MAP1B: variants seen among roughly 807,000 people sequenced by gnomAD.
MAP1B encodes the protein microtubule-associated protein 1B.
Under a neutral mutation model 176.1 loss-of-function variants are expected in MAP1B, and 12 were observed. That is an observed-to-expected ratio of 0.07 (90% CI 0.04 to 0.11). The LOEUF (loss-of-function observed/expected upper bound fraction) is 0.11. Ranked by LOEUF, MAP1B falls within the 10% of genes least tolerant of loss-of-function variation. The pLI, the probability that MAP1B is intolerant of heterozygous loss-of-function variation, is 1.00. For missense variants in MAP1B, 2,523 were observed against 2,990.5 expected (o/e 0.84, Z 3.65); for synonymous variants, 1,044 against 1,135.0 (o/e 0.92, Z 1.61).
chr5:72,163,438 T>C (rs893775489), intron 2 of MAP1B, among the ~76,000 whole-genome samples: 2 of 152,128 alleles, frequency 1.3e-5, no homozygotes, highest in African/African-American at 2.4e-5. Context: ...GATTCCATGC[T>C]TTTACCATCA....
intron 2 of MAP1B, among the ~76,000 whole-genome samples, chr5:72,136,121 G>T (rs1392037038): frequency 2.0e-5 from 3 of 152,172 alleles, no homozygotes; most frequent in Non-Finnish European, 2.9e-5. Context: ...ACTTAAGTGT[G>T]CTGAGCACCT....
Position 72,186,512 on chromosome 5 carries a change from G to T in MAP1B, c.370-102G>T. The T allele has an allele frequency of 7.1e-7, 1 of 1,404,440 alleles. No homozygotes were observed. The allele number at this position is 1,404,440 out of a possible 1,614,324, so 87.0% of individuals were successfully genotyped here. On this transcript the variant is annotated intron_variant, in intron 3 of 6. Transcript: ENST00000296755. The surrounding 1 kb of genome is among the most constrained non-coding windows in gnomAD (Gnocchi z 4.3). ...GACCTTTGGGGAATGAATGCTTTTT[G>T]CTGGTAATAAACTCCCATGGCTCCG...
chr5:72,174,893 TTCCCTCCCTCCCTCCTTCCTTCCC>T (rs1746618990), intron 2 of MAP1B, among the ~76,000 whole-genome samples: 1 of 145,142 alleles, frequency 6.9e-6, no homozygotes, highest in African/African-American at 2.6e-5. Flanking sequence ...CCTTCCTTCC[TTCCCTCCCTCCCTCCTTCCTTCCC>T]TCCTTCCCCC....
intron 2 of MAP1B, among the ~76,000 whole-genome samples, chr5:72,144,444 G>T (rs1480959456): frequency 1.3e-5 from 2 of 152,060 alleles, no homozygotes; most frequent in African/African-American, 4.8e-5. Flanking sequence ...GAGACAGGAT[G>T]GTGCAGGGAT....
At position 72,206,298 on chromosome 5, in the gene MAP1B, G is replaced by C. The variant is rs567815513; in HGVS notation, c.*1059G>C. 6.5e-6 allele frequency: 1 copy of C among 152,698 alleles called. No homozygotes were observed. The highest frequency in any genetic ancestry group is 2.4e-5 in the African/African-American group (1 of 41,462). The allele number at this position is 152,698 out of a possible 1,614,324, so 9.5% of individuals were successfully genotyped here. Reference sequence around the variant, plus strand: ...TACTTAAAGGAACACGTGGGTGAGCGTGTGTGGGGGTACTAGAAGCTGATC... The same window carrying C: ...TACTTAAAGGAACACGTGGGTGAGCCTGTGTGGGGGTACTAGAAGCTGATC... On this transcript the variant is annotated 3_prime_UTR_variant, in exon 7 of 7. Transcript: ENST00000296755.
In MAP1B at chr5:72,187,660, A is replaced by G. The variant is rs114690592; in HGVS notation, c.510+906A>G. Among the ~76,000 whole-genome samples, 1,182 of 152,214 alleles carry G rather than the reference A, an allele frequency of 7.8e-3. 15 individuals are homozygous for G. The highest frequency in any genetic ancestry group is 0.027 in the African/African-American group (1,117 of 41,530). ...GTGGTGGCTTGTCTGTCTCATGTGT[A>G]CTGTGAAGGGCCACGTGTCCTTCTG... On this transcript the variant is annotated intron_variant, in intron 4 of 6. Transcript: ENST00000296755.
intron 2 of MAP1B, among the ~76,000 whole-genome samples, chr5:72,137,216 G>A (rs1353603358): frequency 6.6e-6 from 1 of 152,176 alleles, no homozygotes; most frequent in East Asian, 1.9e-4. Flanking sequence ...AGATCCTGTA[G>A]ACTGGTGTTG....
At chr5:72,114,424 A>G (rs968712969) in intron 1 of MAP1B, among the ~76,000 whole-genome samples, 1 of 152,222 alleles carries the variant, frequency 6.6e-6, no homozygotes, top group Non-Finnish European at 1.5e-5. Flanking sequence ...ATTTAGAGAT[A>G]GTTCACCTGC....
At chr5:72,108,147 C>T (rs1745156904) in intron 1 of MAP1B, among the ~76,000 whole-genome samples, 1 of 152,222 alleles carries the variant, frequency 6.6e-6, no homozygotes, top group Admixed American at 6.5e-5. Context: ...GGGGCCGAAG[C>T]CCATGTGCCA....
In MAP1B at chr5:72,195,229, C is replaced by T; in HGVS notation, c.1874C>T (p.Ala625Val). ...AAAGCCGAGGTGGCTGAGAAGCAAG[C>T]CACAGATGTCAAACCCAAAGCTGCC... is the stretch of plus-strand genomic sequence containing the variant. Reference protein sequence around the residue: ...PVKAEVAEKQATDVKPKAAKE... With the variant: ...PVKAEVAEKQVTDVKPKAAKE... Residue 625 changes from alanine (A) to valine (V), a missense_variant, in exon 5 of 7, where the codon GCC (alanine) becomes GTC (valine). Physicochemically the swap from Ala to Val is moderately conservative, Grantham distance 64. Transcript: ENST00000296755. 1 of 1,613,654 alleles carries T rather than the reference C, an allele frequency of 6.2e-7. No individual in the cohort carries two copies. The highest frequency in any genetic ancestry group is 8.5e-7 in the Non-Finnish European group (1 of 1,179,982).
chr5:72,178,725 GGTGTGTGTGTGTGTGTGTGTGTGTGT>G (rs34082751), intron 2 of MAP1B, among the ~76,000 whole-genome samples: 2 of 140,504 alleles, frequency 1.4e-5, no homozygotes, highest in South Asian at 2.4e-4. Flanking sequence ...GCCTCTGAGG[GGTGTGTGTGTGTGTGTGTGTGTGTGT>G]GTGTGTGTGT....
chr5:72,120,874 G>A lies in MAP1B; in HGVS notation c.286+5075G>A, dbSNP rs185560085. On this transcript the variant is annotated intron_variant, in intron 2 of 6. Coordinates refer to ENST00000296755, the MANE Select transcript of MAP1B (RefSeq NM_005909.5). Reference sequence around the variant, plus strand: ...GTATATTTGGTGATTGTTATTATCCGTGGGAAATACCGGGTATTGATATTT... The same window carrying A: ...GTATATTTGGTGATTGTTATTATCCATGGGAAATACCGGGTATTGATATTT... 5.0e-3 allele frequency among the ~76,000 whole-genome samples: 768 copies of A among 152,324 alleles called. 5 individuals carry two copies. The highest frequency in any genetic ancestry group is 8.1e-3 in the Admixed American group (124 of 15,294).
intron 2 of MAP1B, chr5:72,179,851 A>G (rs933150059): frequency 3.2e-5 from 32 of 985,384 alleles, no homozygotes; most frequent in African/African-American, 7.0e-5. Flanking sequence ...AAAAGAGAAC[A>G]TCGTTAGTTG....
Position 72,107,596 on chromosome 5 carries a change from C to T in MAP1B, c.65C>T (p.Ala22Val). The change falls in exon 1 of 7, where the codon GCG (alanine) becomes GTG (valine). Residue 22 changes from alanine to valine, a missense_variant. Transcript: ENST00000296755. Reference sequence around the variant, plus strand: ...TCCGGCAGCATCGCCAACCCGGCGGCGTCCACCTCGCCTAGCCTGTCGCAC... The same window carrying T: ...TCCGGCAGCATCGCCAACCCGGCGGTGTCCACCTCGCCTAGCCTGTCGCAC... Reference protein sequence around the residue: ...EPSGSIANPAASTSPSLSHRF... With the variant: ...EPSGSIANPAVSTSPSLSHRF... 6.3e-7 allele frequency: 1 copy of T among 1,594,518 alleles called. No individual in the cohort carries two copies. Among genetic ancestry groups the T allele is most frequent in the Non-Finnish European group, 8.5e-7 (1 of 1,176,808 alleles).
chr5:72,200,393 A>T, intron 5 of MAP1B, 26 bp downstream of exon 5: 2 of 1,603,908 alleles, frequency 1.2e-6, no homozygotes, highest in Non-Finnish European at 1.7e-6. Flanking sequence ...TGGGCATTGG[A>T]TATATGTCAC....
intron 2 of MAP1B, among the ~76,000 whole-genome samples, chr5:72,117,624 C>G (rs554291081): frequency 6.4e-4 from 98 of 152,228 alleles, no homozygotes; most frequent in Non-Finnish European, 1.3e-3. Flanking sequence ...GTACCCCATT[C>G]TCCTCTCCTT....
intron 1 of MAP1B, among the ~76,000 whole-genome samples, chr5:72,112,894 A>G (rs1335067551): frequency 1.3e-5 from 2 of 152,174 alleles, no homozygotes; most frequent in East Asian, 3.9e-4. Flanking sequence ...CTGCTCCCCA[A>G]CAGAGACCAG....
At chr5:72,163,825 G>T (rs2112183466) in intron 2 of MAP1B, among the ~76,000 whole-genome samples, 1 of 151,548 alleles carries the variant, frequency 6.6e-6, no homozygotes, top group Middle Eastern at 3.4e-3. Flanking sequence ...CAGAGGTTTG[G>T]AATAGATCCA....
intron 2 of MAP1B, chr5:72,169,460 C>T (rs1438927933): frequency 1.3e-5 from 2 of 152,812 alleles, no homozygotes; most frequent in Admixed American, 1.3e-4. Context: ...CTTGTTAAAT[C>T]CCTCTGAGTG....
Sources: allele counts gnomAD v4.1 joint callset (sites outside exome capture counted in the v4.1 genomes callset), GRCh38; gene constraint gnomAD v4.1.1; non-coding constraint Gnocchi (gnomAD v3.1); transcripts MANE v1.5; gene names NCBI Gene and HGNC (gene_info 2026-07-23, HGNC 2026-07-21).